The following PAPPA2 variants were observed in gnomAD, a reference collection of about 807,000 sequenced individuals.
PAPPA2 encodes pappalysin-2.
PAPPA2 carries 86 observed loss-of-function variants against 176.4 expected under a neutral mutation model. That is an observed-to-expected ratio of 0.49 (90% CI 0.41 to 0.58). The LOEUF (loss-of-function observed/expected upper bound fraction) is 0.58, where lower values mean the gene tolerates loss of function less well. PAPPA2 is among the 20% of genes least tolerant of loss of function. The pLI is 0.00. For missense variants in PAPPA2, 2,073 were observed against 2,256.9 expected (o/e 0.92, Z 1.65); for synonymous variants, 809 against 852.2 (o/e 0.95, Z 0.88).
At chr1:176,789,099 C>T (rs1665063775) in intron 17 of PAPPA2, among the ~76,000 whole-genome samples, 1 of 152,080 alleles carries the variant, frequency 6.6e-6, no homozygotes, top group African/African-American at 2.4e-5. Context: ...AGAGAAAACC[C>T]AATTACAATT....
intron 17 of PAPPA2, among the ~76,000 whole-genome samples, chr1:176,781,499 G>C (rs893238321): frequency 6.8e-6 from 1 of 147,680 alleles, no homozygotes; most frequent in Non-Finnish European, 1.5e-5. Context: ...CAGGAGACCT[G>C]GTATTAGAGA....
At chr1:176,787,830 G>A (rs1665007774) in intron 17 of PAPPA2, among the ~76,000 whole-genome samples, 1 of 152,074 alleles carries the variant, frequency 6.6e-6, no homozygotes, top group African/African-American at 2.4e-5. Context: ...GGAGGCTGAG[G>A]CGGGTGGATC....
chr1:176,815,042 C>T (rs989320797), intron 21 of PAPPA2, among the ~76,000 whole-genome samples: 6 of 152,092 alleles, frequency 3.9e-5, no homozygotes, highest in Admixed American at 2.6e-4. Context: ...TTGAGATAAT[C>T]ATGTGGTTTT....
chr1:176,618,851 G>C (rs988945918), intron 3 of PAPPA2, among the ~76,000 whole-genome samples: 10 of 152,100 alleles, frequency 6.6e-5, no homozygotes, highest in Non-Finnish European at 1.3e-4. Context: ...ATCCAGACTG[G>C]GAAGTGGGCT....
chr1:176,790,738 T>C (rs1192268635), intron 18 of PAPPA2, among the ~76,000 whole-genome samples: 1 of 152,162 alleles, frequency 6.6e-6, no homozygotes, highest in Non-Finnish European at 1.5e-5. Flanking sequence ...ATCTTACTTT[T>C]TGGGGTTTTG....
chr1:176,739,615 C>G lies in PAPPA2; in HGVS notation c.3799-11C>G. 1 of 1,609,798 alleles carries G rather than the reference C, an allele frequency of 6.2e-7. No homozygotes were observed. Among genetic ancestry groups the G allele is most frequent in the Non-Finnish European group, 8.5e-7 (1 of 1,177,556 alleles). Reference sequence around the variant, plus strand: ...AAATAATGACTTATACATAAATGTGCTTATGCTTAGGTGTGTTTCAATAGA... The same window carrying G: ...AAATAATGACTTATACATAAATGTGGTTATGCTTAGGTGTGTTTCAATAGA... On this transcript the variant is annotated splice_polypyrimidine_tract_variant and intron_variant, in intron 12 of 22. Coordinates refer to ENST00000367662, the MANE Select transcript of PAPPA2 (RefSeq NM_020318.3).
At chr1:176,485,724 G>A (rs1041000590) in intron 1 of PAPPA2, among the ~76,000 whole-genome samples, 5 of 152,114 alleles carry the variant, frequency 3.3e-5, no homozygotes, top group Non-Finnish European at 7.4e-5. Context: ...TAGGCGGGGG[G>A]AGGAAAAATT....
intron 2 of PAPPA2, among the ~76,000 whole-genome samples, chr1:176,581,947 G>A (rs1207141245): frequency 3.2e-5 from 4 of 124,854 alleles, no homozygotes; most frequent in Non-Finnish European, 4.9e-5. Context: ...TTTTTGAGAC[G>A]GAGTCTCACT....
intron 2 of PAPPA2, among the ~76,000 whole-genome samples, chr1:176,579,610 C>A (rs562589352): frequency 6.6e-6 from 1 of 152,336 alleles, no homozygotes; most frequent in Non-Finnish European, 1.5e-5. Context: ...GTTAATGTCA[C>A]ACTCACCAGC....
intron 21 of PAPPA2, among the ~76,000 whole-genome samples, chr1:176,830,873 G>T (rs142571768): frequency 1.3e-5 from 2 of 152,320 alleles, no homozygotes; most frequent in East Asian, 3.9e-4. Flanking sequence ...GACTGCTGCT[G>T]TTCCTGGGCA....
chr1:176,640,511 A>G (rs1397679604), intron 3 of PAPPA2, among the ~76,000 whole-genome samples: 1 of 151,918 alleles, frequency 6.6e-6, no homozygotes, highest in Non-Finnish European at 1.5e-5. Flanking sequence ...GTCCCTACAA[A>G]GGACATGAAC....
chr1:176,552,760 T>C (rs1558431214), intron 1 of PAPPA2, among the ~76,000 whole-genome samples: 2 of 152,170 alleles, frequency 1.3e-5, no homozygotes, highest in Non-Finnish European at 2.9e-5. Flanking sequence ...TTTGAAAGCC[T>C]GTACCCTAGA....
intron 1 of PAPPA2, among the ~76,000 whole-genome samples, chr1:176,486,184 A>G (rs188166578): frequency 1.1e-3 from 165 of 152,340 alleles, no homozygotes; most frequent in African/African-American, 3.8e-3. Context: ...AAGATAGAGA[A>G]CTTTTCTTGC....
At chr1:176,514,462 A>G (rs868133177) in intron 1 of PAPPA2, among the ~76,000 whole-genome samples, 4 of 152,138 alleles carry the variant, frequency 2.6e-5, no homozygotes, top group Admixed American at 1.3e-4. Context: ...TGGAAGGGAC[A>G]CACATCCAAA....
chr1:176,543,050 A>G (rs568587328), intron 1 of PAPPA2, among the ~76,000 whole-genome samples: 3 of 152,276 alleles, frequency 2.0e-5, no homozygotes, highest in African/African-American at 7.2e-5. Context: ...TGCAGTTTCA[A>G]AGTGTGGGAG....
At chr1:176,548,998 C>G (rs796419465) in intron 1 of PAPPA2, among the ~76,000 whole-genome samples, 44 of 152,244 alleles carry the variant, frequency 2.9e-4, no homozygotes, top group African/African-American at 1.0e-3. Flanking sequence ...GTGGCCAGAA[C>G]AGTGTGTAAG....
Position 176,845,082 on chromosome 1 carries a change from T to C in PAPPA2, c.*2628T>C, listed in dbSNP as rs1252689001. On this transcript the variant is annotated 3_prime_UTR_variant, in exon 23 of 23. Transcript: ENST00000367662. ...GACCTGATGTTTTGAGCAACTCAGG[T>C]CACTGATAAAGTGGAAGGACTAAGA... 2 of 152,130 alleles carry C rather than the reference T, an allele frequency of 1.3e-5. No individual in the cohort carries two copies. Among genetic ancestry groups the C allele is most frequent in the Admixed American group, 1.3e-4 (2 of 15,266 alleles). The allele number at this position is 152,130 out of a possible 1,614,324, so 9.4% of individuals were successfully genotyped here.
At chr1:176,477,269 G>A (rs1325173791) in intron 1 of PAPPA2, among the ~76,000 whole-genome samples, 2 of 152,102 alleles carry the variant, frequency 1.3e-5, no homozygotes, top group Non-Finnish European at 2.9e-5. Flanking sequence ...AGAATTGGGG[G>A]ATATGAGGCT....
intron 14 of PAPPA2, among the ~76,000 whole-genome samples, chr1:176,752,966 C>A (rs1351510680): frequency 6.6e-6 from 1 of 152,140 alleles, no homozygotes; most frequent in South Asian, 2.1e-4. Context: ...ATGTGTTAAC[C>A]TCTATTGTTC....
Sources: allele counts gnomAD v4.1 joint callset (sites outside exome capture counted in the v4.1 genomes callset), GRCh38; gene constraint gnomAD v4.1.1; transcripts MANE v1.5; gene names NCBI Gene and HGNC (gene_info 2026-07-23, HGNC 2026-07-21).